The following GOLGA1 variants were observed in gnomAD, a reference collection of about 807,000 sequenced individuals.
GOLGA1 encodes golgin A1.
In GOLGA1, 63 loss-of-function variants were observed where a neutral mutation model predicts 119.7. That is an observed-to-expected ratio of 0.53 (90% CI 0.43 to 0.65). The LOEUF (loss-of-function observed/expected upper bound fraction) is 0.65. GOLGA1 is among the 30% of genes least tolerant of loss of function. The pLI, the probability that GOLGA1 is intolerant of heterozygous loss-of-function variation, is 0.00. For missense variants in GOLGA1, 798 were observed against 912.8 expected (o/e 0.87, Z 1.62); for synonymous variants, 318 against 333.4 (o/e 0.95, Z 0.50).
intron 3 of GOLGA1, among the ~76,000 whole-genome samples, chr9:124,935,763 C>CAAAAA (rs33934422): frequency 9.7e-6 from 1 of 103,590 alleles, no homozygotes. Context: ...ACTCTGTCTC[C>CAAAAA]AAAAAAAAAA....
intron 4 of GOLGA1, 66 bp downstream of exon 4, chr9:124,931,250 T>C: frequency 1.3e-6 from 1 of 793,956 alleles, no homozygotes; most frequent in Non-Finnish European, 2.3e-6. Context: ...TATGGCTATT[T>C]TATAGGAAGA....
At chr9:124,887,125 C>T (rs1463257876) in intron 19 of GOLGA1, among the ~76,000 whole-genome samples, 1 of 152,116 alleles carries the variant, frequency 6.6e-6, no homozygotes, top group Non-Finnish European at 1.5e-5. Context: ...GCAGTGATCC[C>T]GTGACAGACA....
intron 15 of GOLGA1, among the ~76,000 whole-genome samples, chr9:124,893,762 A>G (rs541473835): frequency 2.0e-5 from 3 of 152,322 alleles, no homozygotes; most frequent in African/African-American, 4.8e-5. Context: ...AACTTAGATA[A>G]ACTTCCAGCC....
Position 124,880,256 on chromosome 9 carries a change from G to T in GOLGA1, c.*274C>A. On this transcript the variant is annotated 3_prime_UTR_variant, in exon 23 of 23. Transcript: ENST00000373555. Reference sequence around the variant, plus strand: ...GAAGTTAGAGGATTCAGGTGCAGATGGGGTGCTGGCTGGAGCTGGGATATT... The same window carrying T: ...GAAGTTAGAGGATTCAGGTGCAGATTGGGTGCTGGCTGGAGCTGGGATATT... The T allele has an allele frequency of 3.4e-6, 1 of 293,774 alleles. No individual in the cohort carries two copies. The highest frequency in any genetic ancestry group is 7.8e-5 in the East Asian group (1 of 12,740). The allele number at this position is 293,774 out of a possible 1,614,324, so 18.2% of individuals were successfully genotyped here.
At chr9:124,933,460 A>G (rs1398391296) in intron 3 of GOLGA1, among the ~76,000 whole-genome samples, 1 of 152,114 alleles carries the variant, frequency 6.6e-6, no homozygotes, top group Non-Finnish European at 1.5e-5. Flanking sequence ...TCGCTCTGTC[A>G]CCCAGGCTGG....
intron 10 of GOLGA1, among the ~76,000 whole-genome samples, chr9:124,913,182 C>A (rs919504120): frequency 1.3e-5 from 2 of 152,150 alleles, no homozygotes; most frequent in Non-Finnish European, 2.9e-5. Flanking sequence ...ATCACAAGAA[C>A]AGCAAAGGAG....
At chr9:124,896,406 C>A (rs1183477814) in intron 15 of GOLGA1, among the ~76,000 whole-genome samples, 3 of 152,204 alleles carry the variant, frequency 2.0e-5, no homozygotes, top group African/African-American at 7.2e-5. Flanking sequence ...AAGTGAGACT[C>A]CGTCTCACAT....
At chr9:124,942,672 CA>C (rs751648988), upstream of GOLGA1, 3 of 152,176 alleles carry the variant, frequency 2.0e-5, no homozygotes, top group Non-Finnish European at 4.4e-5. Context: ...ATTCAAGGTA[CA>C]AAATTCATGT....
At position 124,898,648 on chromosome 9, in the gene GOLGA1, C is replaced by G; in HGVS notation, c.1312-4G>C. 6.4e-7 allele frequency: 1 copy of G among 1,568,034 alleles called. No homozygotes were observed. The highest frequency in any genetic ancestry group is 8.8e-7 in the Non-Finnish European group (1 of 1,138,818). ...CATTTTCTTGCTCCAGTTGTCTCTG[C>G]CAATTCAGAAGAACACATATAAAAG... is the stretch of plus-strand genomic sequence containing the variant. On this transcript the variant is annotated splice_polypyrimidine_tract_variant and splice_region_variant and intron_variant, in intron 14 of 22. Transcript: ENST00000373555.
intron 16 of GOLGA1, 30 bp from the exon 17 acceptor site, chr9:124,889,566 G>T: frequency 7.4e-7 from 1 of 1,355,992 alleles, no homozygotes; most frequent in Non-Finnish European, 1.1e-6. Flanking sequence ...AAGAGGGAAG[G>T]TTGTGAGCAG....
intron 15 of GOLGA1, among the ~76,000 whole-genome samples, chr9:124,895,640 A>G (rs571187237): frequency 4.0e-5 from 6 of 148,434 alleles, no homozygotes; most frequent in African/African-American, 1.3e-4. Flanking sequence ...TCCACGACAG[A>G]GAGCCTCCAC....
chr9:124,911,010 C>T (rs967710114), intron 11 of GOLGA1, among the ~76,000 whole-genome samples: 7 of 152,208 alleles, frequency 4.6e-5, no homozygotes. Context: ...AAAATGCAAG[C>T]ATGGACATTC....
intron 19 of GOLGA1, among the ~76,000 whole-genome samples, chr9:124,885,941 C>T (rs922213941): frequency 6.6e-6 from 1 of 152,088 alleles, no homozygotes; most frequent in African/African-American, 2.4e-5. Flanking sequence ...CAGGTGGCAG[C>T]GATGTGAAGT....
At chr9:124,932,382 A>G (rs544754367) in intron 3 of GOLGA1, among the ~76,000 whole-genome samples, 1 of 152,290 alleles carries the variant, frequency 6.6e-6, no homozygotes, top group South Asian at 2.1e-4. Context: ...TGCCCATCCA[A>G]TATGTACTGA....
intron 1 of GOLGA1, 69 bp from the exon 2 acceptor site, chr9:124,940,224 G>C (rs1181541828): frequency 6.6e-6 from 1 of 152,172 alleles, no homozygotes; most frequent in Non-Finnish European, 1.5e-5. Context: ...TGTTGGGTGG[G>C]GATAGGGGGA....
chr9:124,930,465 A>G (rs1830752273), intron 4 of GOLGA1, among the ~76,000 whole-genome samples: 1 of 152,200 alleles, frequency 6.6e-6, no homozygotes, highest in African/African-American at 2.4e-5. Context: ...TGAGGACAAA[A>G]TAATTAACTG....
intron 10 of GOLGA1, among the ~76,000 whole-genome samples, chr9:124,919,336 G>A (rs539112577): frequency 6.6e-6 from 1 of 152,340 alleles, no homozygotes; most frequent in East Asian, 1.9e-4. Context: ...TTCTTTTCTT[G>A]TGATTACAGT....
intron 7 of GOLGA1, among the ~76,000 whole-genome samples, chr9:124,925,079 C>CAAA (rs904132877): frequency 3.8e-5 from 5 of 132,412 alleles, no homozygotes; most frequent in African/African-American, 1.4e-4. Flanking sequence ...GACTCCGTCT[C>CAAA]AAAAAAAAAA....
rs186485386 is a variant in GOLGA1 at position 124,927,632 on chromosome 9, T to C, written c.399+556A>G. Among the ~76,000 whole-genome samples the C allele has an allele frequency of 2.2e-3, 341 of 152,374 alleles. 1 individual carries two copies. The highest frequency in any genetic ancestry group is 7.9e-3 in the African/African-American group (328 of 41,598). On this transcript the variant is annotated intron_variant, in intron 6 of 22. Transcript: ENST00000373555. ...TCTATTATTTTGAACAAAATATACT[T>C]CATAATTACTGTAATAGCCAGTAAC...
Sources: gnomAD v4.1 joint callset for allele counts (sites outside exome capture counted in the v4.1 genomes callset) on GRCh38, gnomAD v4.1.1 for gene constraint, MANE v1.5 for transcripts, NCBI Gene and HGNC (gene_info 2026-07-23, HGNC 2026-07-21) for gene names.